The following CDH2 variants were observed in gnomAD, a reference collection of about 807,000 sequenced individuals.
CDH2 encodes the protein cadherin-2.
In CDH2, 17 loss-of-function variants were observed where a neutral mutation model predicts 92.0. The ratio of observed to expected loss-of-function variants is 0.18; its 90% CI spans 0.13 to 0.28. The LOEUF (loss-of-function observed/expected upper bound fraction) is 0.28. Ranked by LOEUF, CDH2 falls within the 10% of genes least tolerant of loss-of-function variation. The pLI, the probability that CDH2 is intolerant of heterozygous loss-of-function variation, is 1.00. For missense variants in CDH2, 862 were observed against 1,133.1 expected (o/e 0.76, Z 3.44); for synonymous variants, 419 against 415.9 (o/e 1.01, Z -0.09).
At chr18:28,086,847 T>C (rs2144202734) in intron 2 of CDH2, among the ~76,000 whole-genome samples, 1 of 152,336 alleles carries the variant, frequency 6.6e-6, no homozygotes, top group East Asian at 1.9e-4. Context: ...TAATGAGTTC[T>C]TTTCTCTTAG....
intron 15 of CDH2, among the ~76,000 whole-genome samples, chr18:27,959,352 T>G (rs1271138251): frequency 6.6e-6 from 1 of 152,212 alleles, no homozygotes; most frequent in Non-Finnish European, 1.5e-5. Flanking sequence ...CTCATGAGCT[T>G]TCTTATTCCT....
At chr18:27,935,980 A>G (rs1385821789) in intron 6 of CDH2, among the ~76,000 whole-genome samples, 1 of 152,228 alleles carries the variant, frequency 6.6e-6, no homozygotes. Flanking sequence ...GAATTGCTAT[A>G]TTATTCTGTT....
chr18:27,940,946 A>T (rs527393463), intron 6 of CDH2, among the ~76,000 whole-genome samples: 115 of 152,060 alleles, frequency 7.6e-4, no homozygotes, highest in Non-Finnish European at 1.4e-3. Context: ...TTGTGCCATC[A>T]GTACATTCTG....
intron 6 of CDH2, among the ~76,000 whole-genome samples, chr18:27,938,291 C>A (rs1272050142): frequency 6.6e-6 from 1 of 152,074 alleles, no homozygotes; most frequent in Non-Finnish European, 1.5e-5. Context: ...ATAAATTACC[C>A]AGTCTCAGGT....
chr18:28,043,889 G>GGTTTT (rs1298359943), intron 2 of CDH2, among the ~76,000 whole-genome samples: 1 of 78,248 alleles, frequency 1.3e-5, no homozygotes, highest in Non-Finnish European at 2.8e-5. Flanking sequence ...CAGAATCTCG[G>GGTTTT]ATTTTTTTTT....
At chr18:28,089,216 T>C (rs1015947541) in intron 2 of CDH2, among the ~76,000 whole-genome samples, 11 of 152,288 alleles carry the variant, frequency 7.2e-5, no homozygotes, top group Middle Eastern at 3.4e-3. Context: ...ACCTAGATCT[T>C]TGACTCTCTA....
rs1417989625 is a variant in CDH2, at chr18:27,983,440, T to A, written c.2210-357A>T. 7.2e-5 allele frequency among the ~76,000 whole-genome samples: 11 copies of A among 152,354 alleles called. No homozygotes were observed. The South Asian group carries it at 2.3e-3, about 32-fold the overall frequency. ...GCCCTTCATAGGGCCTTGTAAATTC[T>A]AGAGACACAAAACAGCAGTAAGGTG... On this transcript the variant is annotated intron_variant, in intron 13 of 15. Coordinates refer to ENST00000269141, the MANE Select transcript of CDH2 (RefSeq NM_001792.5).
At chr18:27,988,894 C>G (rs536013521) in intron 10 of CDH2, among the ~76,000 whole-genome samples, 1 of 152,154 alleles carries the variant, frequency 6.6e-6, no homozygotes, top group East Asian at 1.9e-4. Flanking sequence ...GTCTGAGGGA[C>G]AAGACTAGGT....
intron 2 of CDH2, among the ~76,000 whole-genome samples, chr18:28,073,858 G>A (rs1401586032): frequency 6.6e-6 from 1 of 152,118 alleles, no homozygotes; most frequent in Non-Finnish European, 1.5e-5. Context: ...GCAAAAAAGT[G>A]TTAACCAGAC....
chr18:27,960,160 G>A (rs1441051406), intron 15 of CDH2, among the ~76,000 whole-genome samples: 1 of 152,060 alleles, frequency 6.6e-6, no homozygotes, highest in African/African-American at 2.4e-5. Flanking sequence ...CCCCTCCAGG[G>A]AGAAGCCTGT....
At chr18:28,068,298 G>T (rs1387486766) in intron 2 of CDH2, among the ~76,000 whole-genome samples, 1 of 152,198 alleles carries the variant, frequency 6.6e-6, no homozygotes, top group African/African-American at 2.4e-5. Context: ...AGAGCTGCTA[G>T]TTATAAGGTC....
At chr18:28,169,259 A>C (rs1400888447) in intron 1 of CDH2, among the ~76,000 whole-genome samples, 1 of 152,170 alleles carries the variant, frequency 6.6e-6, no homozygotes, top group Non-Finnish European at 1.5e-5. Context: ...TATAAAATAA[A>C]TTGAGGAATG....
At chr18:27,960,623 A>G (rs1567937863) in intron 15 of CDH2, among the ~76,000 whole-genome samples, 1 of 152,214 alleles carries the variant, frequency 6.6e-6, no homozygotes, top group Non-Finnish European at 1.5e-5. Context: ...AAGAGAATCG[A>G]TGTCTAATTT....
chr18:28,130,121 T>C (rs2015741886), intron 2 of CDH2, among the ~76,000 whole-genome samples: 1 of 152,142 alleles, frequency 6.6e-6, no homozygotes, highest in African/African-American at 2.4e-5. Context: ...CGTAAAACAT[T>C]TTCATGTCTA....
intron 4 of CDH2, among the ~76,000 whole-genome samples, chr18:28,010,447 G>C (rs2013062500): frequency 6.6e-6 from 1 of 152,060 alleles, no homozygotes; most frequent in Non-Finnish European, 1.5e-5. Flanking sequence ...AAGCACAAAA[G>C]AAAGCATTTT....
intron 14 of CDH2, among the ~76,000 whole-genome samples, chr18:27,982,707 G>C (rs1402887805): frequency 6.6e-6 from 1 of 150,780 alleles, no homozygotes; most frequent in East Asian, 1.9e-4. Context: ...AACTAGAATT[G>C]GGTTTAAAGC....
chr18:28,064,495 G>C (rs535679480), intron 2 of CDH2, among the ~76,000 whole-genome samples: 35 of 149,926 alleles, frequency 2.3e-4, no homozygotes, highest in African/African-American at 8.6e-4. Flanking sequence ...AAAGCCTATG[G>C]GGTCATACCA....
intron 1 of CDH2, among the ~76,000 whole-genome samples, chr18:28,175,020 T>C (rs1431568305): frequency 6.6e-6 from 1 of 152,216 alleles, no homozygotes; most frequent in African/African-American, 2.4e-5. Context: ...TCCATTTAAC[T>C]TCAAATACTT....
intron 8 of CDH2, 141 bp from the exon 9 acceptor site, chr18:27,992,981 A>G: frequency 1.9e-6 from 1 of 539,334 alleles, no homozygotes; most frequent in Non-Finnish European, 3.2e-6. Context: ...TAATGCAGGT[A>G]ATCACAGCAT....
Sources: gnomAD v4.1 joint callset for allele counts (sites outside exome capture counted in the v4.1 genomes callset) on GRCh38, gnomAD v4.1.1 for gene constraint, MANE v1.5 for transcripts, NCBI Gene and HGNC (gene_info 2026-07-23, HGNC 2026-07-21) for gene names.